The following SYT14 variants were observed in gnomAD, a reference collection of about 807,000 sequenced individuals.
SYT14 encodes synaptotagmin-14.
Under a neutral mutation model 74.2 loss-of-function variants are expected in SYT14, and 32 were observed. The ratio of observed to expected loss-of-function variants is 0.43; its 90% CI spans 0.33 to 0.58. SYT14 has a LOEUF of 0.58. Among genes scored for constraint, SYT14 ranks in the 20% least tolerant of loss-of-function variants. The pLI, the probability that SYT14 is intolerant of heterozygous loss-of-function variation, is 0.05. For synonymous variants in SYT14, 298 were observed against 337.7 expected (o/e 0.88, Z 1.29); for missense variants, 791 against 981.8 (o/e 0.81, Z 2.60).
chr1:210,128,633 A>C (rs1234361831), intron 7 of SYT14, among the ~76,000 whole-genome samples: 1 of 152,208 alleles, frequency 6.6e-6, no homozygotes, highest in Non-Finnish European at 1.5e-5. Context: ...AAACAGATCC[A>C]CTACCCTCTT....
At chr1:209,971,533 G>T (rs866247217) in intron 2 of SYT14, among the ~76,000 whole-genome samples, 1 of 152,032 alleles carries the variant, frequency 6.6e-6, no homozygotes, top group Non-Finnish European at 1.5e-5. Flanking sequence ...TCATAGATGG[G>T]TCTTATTATT....
rs116207608 is a variant in SYT14 at position 210,141,433 on chromosome 1, C to T, written c.2035-14288C>T. On this transcript the variant is annotated intron_variant, in intron 7 of 9. Transcript: ENST00000637265. ...ATTCATTAGTTCTAGTAGTTATTTT[C>T]TTCATGTGCATTTTAGGATTTACTG... Among the ~76,000 whole-genome samples the T allele has an allele frequency of 3.7e-3, 568 of 152,224 alleles. 5 individuals carry two copies. Among genetic ancestry groups the T allele is most frequent in the African/African-American group, 0.012 (507 of 41,542 alleles).
At chr1:210,100,229 G>C in exon 7 of SYT14, 1 of 1,614,016 alleles carries the variant, frequency 6.2e-7, no homozygotes, top group Non-Finnish European at 8.5e-7. Context: ...AAGAAACAGA[G>C]AGCAAAAACC....
At chr1:209,999,665 T>A (rs1398776540) in intron 2 of SYT14, among the ~76,000 whole-genome samples, 1 of 152,080 alleles carries the variant, frequency 6.6e-6, no homozygotes, top group Non-Finnish European at 1.5e-5. Flanking sequence ...CAGAAAGACA[T>A]TGTATGCTCT....
chr1:210,060,503 G>A (rs2081188707), intron 5 of SYT14, among the ~76,000 whole-genome samples: 1 of 152,022 alleles, frequency 6.6e-6, no homozygotes, highest in African/African-American at 2.4e-5. Flanking sequence ...AGAATTCTGT[G>A]TGCTTTGAAC....
At chr1:210,139,085 CTTTTAT>C (rs1445140591) in intron 7 of SYT14, among the ~76,000 whole-genome samples, 7 of 109,576 alleles carry the variant, frequency 6.4e-5, no homozygotes, top group African/African-American at 1.6e-4. Context: ...TTAAAGAGTA[CTTTTAT>C]TTTTTTTTTT....
At chr1:210,057,952 T>C (rs1346222220) in intron 5 of SYT14, among the ~76,000 whole-genome samples, 1 of 152,198 alleles carries the variant, frequency 6.6e-6, no homozygotes, top group East Asian at 1.9e-4. Context: ...TGTTCTTACA[T>C]AGGCATTTGA....
chr1:210,031,828 G>A (rs2080542786), intron 5 of SYT14, among the ~76,000 whole-genome samples: 1 of 152,092 alleles, frequency 6.6e-6, no homozygotes, highest in Non-Finnish European at 1.5e-5. Context: ...GAAGAGCAAG[G>A]GGGCCATTGT....
chr1:209,943,178 G>A (rs2078764230), intron 1 of SYT14, among the ~76,000 whole-genome samples: 1 of 152,134 alleles, frequency 6.6e-6, no homozygotes, highest in African/African-American at 2.4e-5. Flanking sequence ...CACAAAATTA[G>A]AAACACTTAG....
chr1:210,007,920 T>G (rs1185948451), intron 2 of SYT14, among the ~76,000 whole-genome samples: 1 of 152,150 alleles, frequency 6.6e-6, no homozygotes, highest in Non-Finnish European at 1.5e-5. Context: ...AATTTTAAAA[T>G]GAAAGCAATT....
At chr1:210,031,495 A>G (rs2080533525) in intron 5 of SYT14, among the ~76,000 whole-genome samples, 1 of 152,022 alleles carries the variant, frequency 6.6e-6, no homozygotes, top group African/African-American at 2.4e-5. Context: ...AATTGAAGTA[A>G]TTTTTCTCAT....
intron 5 of SYT14, among the ~76,000 whole-genome samples, chr1:210,042,920 T>A (rs543853940): frequency 6.6e-6 from 1 of 152,358 alleles, no homozygotes; most frequent in East Asian, 1.9e-4. Context: ...GAGGATAGCA[T>A]TGAATCTATC....
At chr1:210,003,460 T>C (rs961749803) in intron 2 of SYT14, among the ~76,000 whole-genome samples, 3 of 152,200 alleles carry the variant, frequency 2.0e-5, no homozygotes, top group Non-Finnish European at 2.9e-5. Flanking sequence ...AACATTTCTG[T>C]TATTCTAATG....
intron 1 of SYT14, among the ~76,000 whole-genome samples, chr1:209,951,197 C>G (rs2078906670): frequency 6.6e-6 from 1 of 152,132 alleles, no homozygotes; most frequent in African/African-American, 2.4e-5. Context: ...CTGTAGTCAC[C>G]ATGCTGTGCA....
intron 2 of SYT14, among the ~76,000 whole-genome samples, chr1:209,995,525 A>G (rs1057332901): frequency 6.6e-6 from 1 of 152,150 alleles, no homozygotes; most frequent in South Asian, 2.1e-4. Flanking sequence ...ATAGACAACC[A>G]CGTAATAATA....
chr1:210,086,795 A>T (rs765800445), intron 5 of SYT14, among the ~76,000 whole-genome samples: 1 of 152,208 alleles, frequency 6.6e-6, no homozygotes, highest in Non-Finnish European at 1.5e-5. Flanking sequence ...ACTTCTATCT[A>T]TGTATTTTTA....
chr1:210,161,647 T>C, exon 10 of SYT14: 4 of 453,850 alleles, frequency 8.8e-6, no homozygotes, highest in Non-Finnish European at 1.3e-5. Context: ...TGCAAACAAG[T>C]ATTCATTTTC....
chr1:210,069,205 C>A (rs1344285468), intron 5 of SYT14, among the ~76,000 whole-genome samples: 1 of 151,734 alleles, frequency 6.6e-6, no homozygotes, highest in East Asian at 1.9e-4. Context: ...ATGTGTGTGT[C>A]AAGGGGATTA....
chr1:209,940,022 A>G (rs553050844), intron 1 of SYT14, among the ~76,000 whole-genome samples: 6 of 152,194 alleles, frequency 3.9e-5, no homozygotes, highest in Non-Finnish European at 8.8e-5. Context: ...TGTGTTTGAG[A>G]TACTCTCATA....
Sources: allele counts gnomAD v4.1 joint callset (sites outside exome capture counted in the v4.1 genomes callset), GRCh38; gene constraint gnomAD v4.1.1; transcripts MANE v1.5; gene names NCBI Gene and HGNC (gene_info 2026-07-23, HGNC 2026-07-21).